The following SNTG1 variants were observed in gnomAD, a reference collection of about 807,000 sequenced individuals.
SNTG1 encodes gamma-1-syntrophin.
A neutral mutation model predicts 74.7 loss-of-function variants in SNTG1; 39 were observed. The ratio of observed to expected loss-of-function variants is 0.52; its 90% CI spans 0.40 to 0.68. SNTG1 has a LOEUF of 0.68. Among genes scored for constraint, SNTG1 ranks in the 30% least tolerant of loss-of-function variants. The pLI is 0.00. For missense variants in SNTG1, 685 were observed against 609.5 expected (o/e 1.12, Z -1.30); for synonymous variants, 254 against 217.1 (o/e 1.17, Z -1.49).
intron 10 of SNTG1, among the ~76,000 whole-genome samples, chr8:50,536,236 T>C (rs1174937549): frequency 1.3e-5 from 2 of 152,198 alleles, no homozygotes; most frequent in African/African-American, 4.8e-5. Flanking sequence ...TTTGCAAAAA[T>C]CTGATAAATT....
intron 2 of SNTG1, among the ~76,000 whole-genome samples, chr8:50,205,225 G>T (rs1358705236): frequency 6.6e-6 from 1 of 152,130 alleles, no homozygotes; most frequent in Admixed American, 6.5e-5. Context: ...ATCCTCTCCA[G>T]CACCTGTTGT....
intron 9 of SNTG1, among the ~76,000 whole-genome samples, chr8:50,523,210 G>A (rs79656765): frequency 0.054 from 8,260 of 152,150 alleles, 338 homozygotes; most frequent in South Asian, 0.18. Flanking sequence ...TGCTGTGGAT[G>A]GATTGATCTA....
chr8:50,510,473 T>C (rs2094059268), intron 9 of SNTG1, among the ~76,000 whole-genome samples: 1 of 152,188 alleles, frequency 6.6e-6, no homozygotes, highest in Non-Finnish European at 1.5e-5. Flanking sequence ...TTGATTGGAA[T>C]AGTTTCAGAA....
chr8:50,139,056 C>T (rs1316015452), intron 1 of SNTG1, among the ~76,000 whole-genome samples: 1 of 152,030 alleles, frequency 6.6e-6, no homozygotes, highest in Non-Finnish European at 1.5e-5. Flanking sequence ...ATGTATGAAT[C>T]CATTTGTAAT....
intron 1 of SNTG1, among the ~76,000 whole-genome samples, chr8:50,095,476 G>A (rs1000961798): frequency 1.3e-5 from 2 of 152,124 alleles, no homozygotes; most frequent in African/African-American, 4.8e-5. Flanking sequence ...GGCCTATTGA[G>A]GAAAAGGTAA....
At chr8:50,044,124 AG>A (rs1818875298) in intron 1 of SNTG1, among the ~76,000 whole-genome samples, 2 of 152,198 alleles carry the variant, frequency 1.3e-5, no homozygotes, top group Non-Finnish European at 2.9e-5. Flanking sequence ...CTTTTTCGCC[AG>A]GGGTTAAACT....
chr8:50,203,638 T>G (rs181231945), intron 2 of SNTG1, among the ~76,000 whole-genome samples: 211 of 152,252 alleles, frequency 1.4e-3, no homozygotes, highest in African/African-American at 4.8e-3. Context: ...TACCTTTTAT[T>G]TGGGCATTTG....
intron 1 of SNTG1, among the ~76,000 whole-genome samples, chr8:49,993,722 G>A (rs1813908124): frequency 2.6e-5 from 4 of 152,056 alleles, no homozygotes; most frequent in Admixed American, 6.6e-5. Flanking sequence ...CCATGTCCTT[G>A]CAAAAGACAT....
At chr8:50,702,079 C>G (rs1447331702) in intron 15 of SNTG1, among the ~76,000 whole-genome samples, 1 of 147,162 alleles carries the variant, frequency 6.8e-6, no homozygotes. Context: ...TGGAACTCCC[C>G]AACCTCAAGT....
chr8:50,450,648 C>T, intron 7 of SNTG1, 40 bp from the exon 8 acceptor site: 1 of 1,613,308 alleles, frequency 6.2e-7, no homozygotes, highest in South Asian at 1.1e-5. Context: ...ACTCAATTTA[C>T]AATATGCCAT....
chr8:50,378,503 G>A (rs561048796), intron 2 of SNTG1, among the ~76,000 whole-genome samples: 2 of 152,274 alleles, frequency 1.3e-5, no homozygotes, highest in Non-Finnish European at 2.9e-5. Flanking sequence ...TTCTTGTGCT[G>A]TGACCAGGAA....
At chr8:50,639,648 A>G (rs1488013854) in intron 13 of SNTG1, among the ~76,000 whole-genome samples, 1 of 152,064 alleles carries the variant, frequency 6.6e-6, no homozygotes, top group Non-Finnish European at 1.5e-5. Context: ...AAAAATATTA[A>G]ATTACACCTC....
At chr8:50,249,281 A>G (rs1471054433) in intron 2 of SNTG1, among the ~76,000 whole-genome samples, 5 of 152,204 alleles carry the variant, frequency 3.3e-5, no homozygotes, top group South Asian at 2.1e-4. Flanking sequence ...TGCAACCCGT[A>G]TGACCTAAGA....
chr8:49,931,965 T>C (rs1807633844), intron 1 of SNTG1, among the ~76,000 whole-genome samples: 1 of 152,222 alleles, frequency 6.6e-6, no homozygotes, highest in Non-Finnish European at 1.5e-5. Context: ...CAGTCATTAG[T>C]AGTTACTAGC....
At chr8:50,668,076 C>T (rs1188571408) in intron 15 of SNTG1, among the ~76,000 whole-genome samples, 2 of 152,042 alleles carry the variant, frequency 1.3e-5, no homozygotes, top group Non-Finnish European at 2.9e-5. Context: ...AGAAGGAAGT[C>T]ACTGCCATCC....
intron 13 of SNTG1, among the ~76,000 whole-genome samples, chr8:50,639,705 A>G (rs959708293): frequency 6.6e-6 from 1 of 152,218 alleles, no homozygotes; most frequent in Non-Finnish European, 1.5e-5. Context: ...TAAATAATAT[A>G]TCAAGTAAAC....
At chr8:50,686,763 G>A (rs1001603052) in intron 15 of SNTG1, among the ~76,000 whole-genome samples, 1 of 152,056 alleles carries the variant, frequency 6.6e-6, no homozygotes, top group Non-Finnish European at 1.5e-5. Flanking sequence ...ACAATTATAA[G>A]TAATAGAAAT....
intron 1 of SNTG1, among the ~76,000 whole-genome samples, chr8:49,958,740 G>T (rs941851571): frequency 2.0e-5 from 3 of 152,168 alleles, no homozygotes; most frequent in African/African-American, 7.2e-5. Flanking sequence ...TCTAATCCAA[G>T]AATTTACTAC....
chr8:50,221,663 T>C (rs543853064), intron 2 of SNTG1, among the ~76,000 whole-genome samples: 63 of 152,158 alleles, frequency 4.1e-4, no homozygotes, highest in Non-Finnish European at 8.2e-4. Context: ...GTGTGACCCA[T>C]TTAAAAAATA....
Sources: allele counts gnomAD v4.1 joint callset (sites outside exome capture counted in the v4.1 genomes callset), GRCh38; gene constraint gnomAD v4.1.1; transcripts MANE v1.5; gene names NCBI Gene and HGNC (gene_info 2026-07-23, HGNC 2026-07-21).